The following ZNF804B variants were observed in gnomAD, a reference collection of about 807,000 sequenced individuals.
ZNF804B encodes zinc finger protein 804B, also known as zinc finger 804B.
Under a neutral mutation model 101.4 loss-of-function variants are expected in ZNF804B, and 80 were observed. The observed-to-expected ratio is 0.79, with a 90% confidence interval of 0.66 to 0.95. The LOEUF (loss-of-function observed/expected upper bound fraction) is 0.95, where lower values mean the gene tolerates loss of function less well. Ranked by LOEUF, ZNF804B falls within the 40% of genes least tolerant of loss-of-function variation. ZNF804B has a pLI of 0.00. For missense variants in ZNF804B, 1,673 were observed against 1,561.9 expected, an observed-to-expected ratio of 1.07 and a Z score of -1.20; for synonymous variants, 622 against 558.8, an observed-to-expected ratio of 1.11 and a Z score of -1.59.
At chr7:88,872,268 G>A (rs1791838520) in intron 1 of ZNF804B, among the ~76,000 whole-genome samples, 1 of 152,122 alleles carries the variant, frequency 6.6e-6, no homozygotes, top group South Asian at 2.1e-4. Flanking sequence ...AATTGAACTG[G>A]TGCTTTAAAA....
intron 1 of ZNF804B, among the ~76,000 whole-genome samples, chr7:89,037,886 G>A (rs570588930): frequency 1.3e-5 from 2 of 152,056 alleles, no homozygotes; most frequent in South Asian, 2.1e-4. Context: ...TAGATACCAC[G>A]CATGAATAAG....
intron 1 of ZNF804B, among the ~76,000 whole-genome samples, chr7:88,847,966 G>A (rs1159587379): frequency 1.3e-5 from 2 of 152,164 alleles, no homozygotes; most frequent in Admixed American, 6.5e-5. Context: ...ACATGAATCA[G>A]CATATAGCAT....
chr7:89,054,170 C>A (rs1789255733), intron 1 of ZNF804B, among the ~76,000 whole-genome samples: 1 of 151,702 alleles, frequency 6.6e-6, no homozygotes, highest in African/African-American at 2.4e-5. Context: ...CTGGTTCTCT[C>A]CTGCTGTGTT....
At chr7:88,967,029 GC>G (rs1793464899) in intron 1 of ZNF804B, among the ~76,000 whole-genome samples, 1 of 151,088 alleles carries the variant, frequency 6.6e-6, no homozygotes, top group African/African-American at 2.4e-5. Context: ...GAAACACCAG[GC>G]TTTTAAATGG....
intron 1 of ZNF804B, among the ~76,000 whole-genome samples, chr7:89,181,992 T>C (rs1788304399): frequency 1.3e-5 from 2 of 152,234 alleles, no homozygotes; most frequent in Admixed American, 1.3e-4. Flanking sequence ...AATGCTTTAA[T>C]ATTTCAACCT....
Position 88,970,530 on chromosome 7 carries a change from A to T in ZNF804B, c.108+210446A>T, listed in dbSNP as rs536357675. 5.9e-5 allele frequency among the ~76,000 whole-genome samples: 9 copies of T among 151,638 alleles called. No homozygotes were observed. In the East Asian group the frequency reaches 1.4e-3, roughly 23 times the overall value. On this transcript the variant is annotated intron_variant, in intron 1 of 3. Coordinates refer to ENST00000333190, the MANE Select transcript of ZNF804B (RefSeq NM_181646.5). Reference sequence around the variant, plus strand: ...TATTAATTTTTCTTTTGCAAAATCAAAGCAGATTTTACTGATATAAATTAA... The same window carrying T: ...TATTAATTTTTCTTTTGCAAAATCATAGCAGATTTTACTGATATAAATTAA...
At position 89,335,498 on chromosome 7, in the gene ZNF804B, G is replaced by A. The variant is rs1284561646; in HGVS notation, c.2516G>A (p.Ser839Asn). The change falls in exon 4 of 4, where the codon AGC becomes AAC. Residue 839 changes from serine (S) to asparagine (N), a missense_variant. Coordinates refer to ENST00000333190, the MANE Select transcript of ZNF804B (RefSeq NM_181646.5). Reference protein sequence around the residue: ...DSNSQISCTGSSKKPPNCQGT... With the variant: ...DSNSQISCTGNSKKPPNCQGT... ...AACTCACAGATTTCCTGTACTGGAAGCAGTAAAAAACCACCTAATTGCCAG... is the reference window on the plus strand; with the variant it reads ...AACTCACAGATTTCCTGTACTGGAAACAGTAAAAAACCACCTAATTGCCAG... 2 of 1,613,960 alleles carry A rather than the reference G, an allele frequency of 1.2e-6. No individual in the cohort carries two copies. Among genetic ancestry groups the A allele is most frequent in the Non-Finnish European group, 1.7e-6 (2 of 1,179,956 alleles).
rs76356719 is a variant in ZNF804B at position 89,127,203 on chromosome 7, C to G, written c.109-90952C>G. On this transcript the variant is annotated intron_variant, in intron 1 of 3. Transcript: ENST00000333190. ...AACACTAGAGGAGAAAAATAAATAT[C>G]GATATTGATGTTCAAGATATTTCTA... Among the ~76,000 whole-genome samples, 695 of 151,838 alleles carry G rather than the reference C, an allele frequency of 4.6e-3. 6 individuals are homozygous for G. Among genetic ancestry groups the G allele is most frequent in the African/African-American group, 0.016 (672 of 41,456 alleles).
At chr7:89,003,479 T>C (rs973865771) in intron 1 of ZNF804B, among the ~76,000 whole-genome samples, 5 of 151,984 alleles carry the variant, frequency 3.3e-5, no homozygotes, top group African/African-American at 4.8e-5. Flanking sequence ...AGAGGAGATA[T>C]TGGCAAACCT....
Position 88,809,583 on chromosome 7 carries a change from A to T in ZNF804B, c.108+49499A>T, listed in dbSNP as rs531529753. Among the ~76,000 whole-genome samples, 5 of 152,336 alleles carry T rather than the reference A, an allele frequency of 3.3e-5. No individual in the cohort carries two copies. The East Asian group carries it at 9.6e-4, about 29-fold the overall frequency. On this transcript the variant is annotated intron_variant, in intron 1 of 3. Transcript: ENST00000333190. ...GACTAATAATTTATAAATTGATTTTAAAAACTTGAGGGTAAGTCAGGTTTT... is the reference window on the plus strand; with the variant it reads ...GACTAATAATTTATAAATTGATTTTTAAAACTTGAGGGTAAGTCAGGTTTT...
chr7:88,802,508 A>G (rs1168561763), intron 1 of ZNF804B, among the ~76,000 whole-genome samples: 3 of 152,226 alleles, frequency 2.0e-5, no homozygotes, highest in African/African-American at 7.2e-5. Flanking sequence ...GGGAAAAGAA[A>G]AAAAACTACT....
At chr7:89,007,459 T>C (rs1378938710) in intron 1 of ZNF804B, among the ~76,000 whole-genome samples, 5 of 123,874 alleles carry the variant, frequency 4.0e-5, no homozygotes, top group Non-Finnish European at 8.3e-5. Context: ...TATATATATA[T>C]ATATATATAT....
At chr7:88,885,872 A>G (rs1156997765) in intron 1 of ZNF804B, among the ~76,000 whole-genome samples, 4 of 152,050 alleles carry the variant, frequency 2.6e-5, no homozygotes, top group African/African-American at 9.7e-5. Flanking sequence ...TATTAGTTAT[A>G]TTAGCACTCA....
intron 1 of ZNF804B, among the ~76,000 whole-genome samples, chr7:88,993,072 A>T (rs1021608649): frequency 1.1e-4 from 17 of 152,046 alleles, no homozygotes; most frequent in African/African-American, 4.1e-4. Flanking sequence ...AACTACTTAT[A>T]AAATACTAGC....
At chr7:89,181,117 A>T (rs1788289219) in intron 1 of ZNF804B, among the ~76,000 whole-genome samples, 1 of 151,824 alleles carries the variant, frequency 6.6e-6, no homozygotes, top group East Asian at 2.0e-4. Context: ...AGTGGAAGGA[A>T]AGAGTCTCTT....
chr7:88,770,037 A>C (rs866565426), intron 1 of ZNF804B, among the ~76,000 whole-genome samples: 1 of 152,184 alleles, frequency 6.6e-6, no homozygotes, highest in Admixed American at 6.5e-5. Flanking sequence ...ACTTTTTATC[A>C]GTTGTTAATA....
intron 1 of ZNF804B, among the ~76,000 whole-genome samples, chr7:89,035,693 T>C (rs983501173): frequency 6.6e-6 from 1 of 151,478 alleles, no homozygotes; most frequent in African/African-American, 2.4e-5. Context: ...CATGATCCTA[T>C]TTCAAAAATG....
intron 2 of ZNF804B, among the ~76,000 whole-genome samples, chr7:89,249,343 C>T (rs1183708000): frequency 6.6e-6 from 1 of 152,138 alleles, no homozygotes; most frequent in Non-Finnish European, 1.5e-5. Flanking sequence ...TTCTCACCTG[C>T]ACATAGATCA....
In ZNF804B at chr7:89,088,201, G is replaced by A. The variant is rs545142313; in HGVS notation, c.109-129954G>A. Among the ~76,000 whole-genome samples the A allele has an allele frequency of 1.1e-4, 16 of 151,996 alleles. 1 individual carries two copies. Among genetic ancestry groups the A allele is most frequent in the Non-Finnish European group, 2.2e-4 (15 of 67,954 alleles). On this transcript the variant is annotated intron_variant, in intron 1 of 3. Transcript: ENST00000333190. ...AGTTTATAGTTTCATGATTATTACTGTTAAACCTTGAGAAATAAGGCCAAA... is the reference window on the plus strand; with the variant it reads ...AGTTTATAGTTTCATGATTATTACTATTAAACCTTGAGAAATAAGGCCAAA...
Sources: gnomAD v4.1 joint callset for allele counts (sites outside exome capture counted in the v4.1 genomes callset) on GRCh38, gnomAD v4.1.1 for gene constraint, MANE v1.5 for transcripts, NCBI Gene and HGNC (gene_info 2026-07-23, HGNC 2026-07-21) for gene names.